TFDP2: variants seen among roughly 807,000 people sequenced by gnomAD.
TFDP2 encodes the protein transcription factor Dp-2 (E2F dimerization partner 2).
Under a neutral mutation model 59.3 loss-of-function variants are expected in TFDP2, and 17 were observed. The ratio of observed to expected loss-of-function variants is 0.29; its 90% confidence interval spans 0.20 to 0.43. The LOEUF (loss-of-function observed/expected upper bound fraction) is 0.43, where lower values mean the gene tolerates loss of function less well. Among genes scored for constraint, TFDP2 ranks in the 20% least tolerant of loss-of-function variants. The pLI is 1.00. For missense variants in TFDP2, 391 were observed against 528.8 expected (o/e 0.74, Z 2.56); for synonymous variants, 180 against 194.7 (o/e 0.92, Z 0.63).
intron 1 of TFDP2, among the ~76,000 whole-genome samples, chr3:142,105,453 C>CT (rs147077873): frequency 0.085 from 12,947 of 152,072 alleles, 694 homozygotes; most frequent in Middle Eastern, 0.14. Flanking sequence ...AGTAGGTGTC[C>CT]TTTTTCCCCA....
intron 3 of TFDP2, among the ~76,000 whole-genome samples, chr3:142,056,186 T>C (rs9810187): frequency 0.48 from 72,630 of 151,064 alleles, 19,633 homozygotes; most frequent in South Asian, 0.74. Context: ...ACTCCTAACC[T>C]CATGATCTGC....
chr3:142,000,147 CA>C, intron 4 of TFDP2: 1 of 571,370 alleles, frequency 1.8e-6, no homozygotes, highest in Admixed American at 2.6e-5. Flanking sequence ...TTCAGGCTAC[CA>C]TAACAAACCA....
rs562950815 is a variant in TFDP2 at position 141,979,146 on chromosome 3, A to G, written c.357-464T>C. 9.8e-5 allele frequency among the ~76,000 whole-genome samples: 15 copies of G among 152,324 alleles called. No individual in the cohort carries two copies. The South Asian group carries it at 3.1e-3, about 32-fold the overall frequency. ...CAGTAGTCCAATAAGATTACAATGGAGCTGAAAAATTCTCATTGCCTAGTG... is the reference window on the plus strand; with the variant it reads ...CAGTAGTCCAATAAGATTACAATGGGGCTGAAAAATTCTCATTGCCTAGTG... On this transcript the variant is annotated intron_variant, in intron 6 of 12. Coordinates refer to ENST00000489671, the MANE Select transcript of TFDP2 (RefSeq NM_001178139.2).
chr3:141,988,359 A>G (rs1030571922), intron 6 of TFDP2, among the ~76,000 whole-genome samples: 2 of 152,132 alleles, frequency 1.3e-5, no homozygotes, highest in African/African-American at 4.8e-5. Context: ...TTCTGTACCA[A>G]CTGATCATAA....
At chr3:142,136,203 T>C in intron 1 of TFDP2, among the ~76,000 whole-genome samples, 1 of 152,120 alleles carries the variant, frequency 6.6e-6, no homozygotes, top group East Asian at 1.9e-4. Context: ...GATGTCTTCT[T>C]TTGAGAAGTA....
intron 9 of TFDP2, among the ~76,000 whole-genome samples, chr3:141,968,019 C>T (rs941694453): frequency 2.0e-5 from 3 of 151,368 alleles, no homozygotes; most frequent in African/African-American, 7.3e-5. Flanking sequence ...CCAGGAGGGC[C>T]CCAGCACAGG....
intron 3 of TFDP2, among the ~76,000 whole-genome samples, chr3:142,064,133 T>A (rs962954460): frequency 2.6e-5 from 4 of 152,126 alleles, no homozygotes; most frequent in Admixed American, 6.5e-5. Flanking sequence ...TTTGTGTTTT[T>A]ATAGACATGG....
At position 141,950,909 on chromosome 3, in the gene TFDP2, T is replaced by C. The variant is rs904496784; in HGVS notation, c.*1604A>G. The stretch of plus-strand genomic sequence containing the variant: ...GCTTATTTCTGACAGAATGAAACTT[T>C]TGTATCAAAGGAGCTTCAGCTAAAG... On this transcript the variant is annotated 3_prime_UTR_variant, in exon 13 of 13. Transcript: ENST00000489671. 1.3e-4 allele frequency: 20 copies of C among 152,246 alleles called. No individual in the cohort carries two copies. The highest frequency in any genetic ancestry group is 4.8e-4 in the African/African-American group (20 of 41,466). 9.4% of individuals were successfully genotyped at this position (152,246 alleles called of 1,614,324 possible). A position where few individuals can be genotyped will look rare whatever the true frequency, so the allele number is the denominator to read the frequency against.
chr3:142,143,322 T>A (rs148786304), intron 1 of TFDP2, among the ~76,000 whole-genome samples: 6,025 of 151,826 alleles, frequency 0.04, 398 homozygotes, highest in African/African-American at 0.14. Flanking sequence ...TTGGGGAAAA[T>A]CTCCAGGACA....
At chr3:142,018,806 T>C (rs1945344324) in intron 3 of TFDP2, among the ~76,000 whole-genome samples, 2 of 152,094 alleles carry the variant, frequency 1.3e-5, no homozygotes, top group Admixed American at 6.5e-5. Context: ...TAGTAACTCA[T>C]TTTGGTCTTA....
chr3:141,982,383 CT>C (rs1159966686), intron 6 of TFDP2, among the ~76,000 whole-genome samples: 1 of 151,654 alleles, frequency 6.6e-6, no homozygotes, highest in Admixed American at 6.6e-5. Context: ...CTTTTTTCTT[CT>C]TCTTTTTTTT....
intron 10 of TFDP2, among the ~76,000 whole-genome samples, chr3:141,962,511 A>C (rs1300630214): frequency 6.6e-6 from 1 of 151,898 alleles, no homozygotes; most frequent in Non-Finnish European, 1.5e-5. Context: ...GGCGTGCGCC[A>C]CCAAGCCTGG....
At chr3:142,066,451 A>G (rs2060076975) in intron 3 of TFDP2, among the ~76,000 whole-genome samples, 1 of 152,340 alleles carries the variant, frequency 6.6e-6, no homozygotes, top group African/African-American at 2.4e-5. Context: ...TACTTACATT[A>G]GCCTACAATT....
chr3:141,965,578 A>T lies in TFDP2; in HGVS notation c.733-1615T>A, dbSNP rs868672259. ...AAGGGGGAGGGGAAGGGGAAGGGGAAGGGGAAGGAAAGGGGAAGGAAAGGA... is the reference window on the plus strand; with the variant it reads ...AAGGGGGAGGGGAAGGGGAAGGGGATGGGGAAGGAAAGGGGAAGGAAAGGA... On this transcript the variant is annotated intron_variant, in intron 9 of 12. Coordinates refer to ENST00000489671, the MANE Select transcript of TFDP2 (RefSeq NM_001178139.2). 1.4e-3 allele frequency among the ~76,000 whole-genome samples: 191 copies of T among 141,038 alleles called. 3 individuals are homozygous for T. The highest frequency in any genetic ancestry group is 4.9e-3 in the African/African-American group (186 of 38,198). The allele number at this position is 141,038 out of a possible 152,430, so 92.5% of individuals were successfully genotyped here. A position where few individuals can be genotyped will look rare whatever the true frequency, so the allele number is the denominator to read the frequency against.
rs190156738 is a variant in TFDP2 at position 141,966,581 on chromosome 3, C to A, written c.733-2618G>T. On this transcript the variant is annotated intron_variant, in intron 9 of 12. Coordinates refer to ENST00000489671, the MANE Select transcript of TFDP2 (RefSeq NM_001178139.2). ...ATTTTGAACTGACTTATTTGTTGCC[C>A]TTTGATTGATTTCCTTTGGCCTTTT... 1.2e-3 allele frequency among the ~76,000 whole-genome samples: 186 copies of A among 151,790 alleles called. 4 individuals carry two copies. The highest frequency in any genetic ancestry group is 4.4e-3 in the African/African-American group (182 of 41,210).
intron 3 of TFDP2, among the ~76,000 whole-genome samples, chr3:142,068,450 T>C (rs2060140971): frequency 2.0e-5 from 3 of 152,202 alleles, no homozygotes; most frequent in Admixed American, 6.5e-5. Context: ...TAAAAATTTC[T>C]CCTCTGTGAA....
chr3:141,978,500 C>T lies in TFDP2; in HGVS notation c.519+20G>A, dbSNP rs1326349578. On this transcript the variant is annotated intron_variant, in intron 7 of 12. Transcript: ENST00000489671. Reference sequence around the variant, plus strand: ...TAGCATCATCCATCAAAATCAATGTCAGGTTCATGATTTACATACCGAATC... The same window carrying T: ...TAGCATCATCCATCAAAATCAATGTTAGGTTCATGATTTACATACCGAATC... 1 of 1,598,292 alleles carries T rather than the reference C, an allele frequency of 6.3e-7. No homozygotes were observed. The highest frequency in any genetic ancestry group is 1.4e-5 in the African/African-American group (1 of 74,060).
At chr3:142,137,342 C>T (rs1299721899) in intron 1 of TFDP2, among the ~76,000 whole-genome samples, 1 of 152,208 alleles carries the variant, frequency 6.6e-6, no homozygotes, top group Admixed American at 6.5e-5. Context: ...GACAATTTGA[C>T]TTCCTCTTTT....
At chr3:141,958,029 T>G (rs1301591598) in intron 11 of TFDP2, among the ~76,000 whole-genome samples, 5 of 152,148 alleles carry the variant, frequency 3.3e-5, no homozygotes, top group Admixed American at 1.3e-4. Flanking sequence ...CCCACCTGAT[T>G]AGGAAAATAG....
Sources: gnomAD v4.1 joint callset for allele counts (sites outside exome capture counted in the v4.1 genomes callset) on GRCh38, gnomAD v4.1.1 for gene constraint, MANE v1.5 for transcripts, NCBI Gene and HGNC (gene_info 2026-07-23, HGNC 2026-07-21) for gene names.